Variants in DOCK5 observed in about 807,000 individuals in gnomAD.
DOCK5 encodes dedicator of cytokinesis 5.
DOCK5 carries 142 observed loss-of-function variants against 251.8 expected under a neutral mutation model. The ratio of observed to expected loss-of-function variants is 0.56; its 90% CI spans 0.49 to 0.65. The LOEUF (loss-of-function observed/expected upper bound fraction) is 0.65, where lower values mean the gene tolerates loss of function less well. DOCK5 is among the 30% of genes least tolerant of loss of function. The probability of loss-of-function intolerance (pLI) is 0.00; values close to 1 mark genes in which losing one functional copy is unlikely to be tolerated. For missense variants in DOCK5, 2,111 were observed against 2,312.3 expected, an observed-to-expected ratio of 0.91 and a Z score of 1.79; for synonymous variants, 842 against 835.5, an observed-to-expected ratio of 1.01 and a Z score of -0.13.
In DOCK5 at chr8:25,408,062, A is replaced by G. The variant is rs746960094; in HGVS notation, c.5173A>G (p.Ser1725Gly). 13 of 1,609,504 alleles carry G rather than the reference A, an allele frequency of 8.1e-6. No homozygotes were observed. The African/African-American group carries it at 1.3e-4, about 17-fold the overall frequency. The change falls in exon 49 of 52, where the codon AGC becomes GGC. Residue 1725 changes from serine (S) to glycine (G), a missense_variant. This residue lies in a region of DOCK5 where 1,717 missense variants were observed against 1,892.4 expected (regional missense o/e 0.91). Coordinates refer to ENST00000276440, the MANE Select transcript of DOCK5 (RefSeq NM_024940.8). Reference sequence around the variant, plus strand: ...AGATCTGTCCCTTAGAGAGGAGAACAGCGAGAACCGGATCAGCAAGTTTAA... The same window carrying G: ...AGATCTGTCCCTTAGAGAGGAGAACGGCGAGAACCGGATCAGCAAGTTTAA... ...VEDLSLREEN[S>G]ENRISKFKRK... is the part of the protein sequence containing the mutation.
intron 27 of DOCK5, among the ~76,000 whole-genome samples, chr8:25,356,499 TA>T (rs1039394646): frequency 2.0e-5 from 3 of 151,466 alleles, no homozygotes; most frequent in South Asian, 4.2e-4. Flanking sequence ...GACCCTGTCT[TA>T]AAAAAAATAC....
At chr8:25,289,337 A>G (rs954278778) in intron 5 of DOCK5, among the ~76,000 whole-genome samples, 2 of 151,626 alleles carry the variant, frequency 1.3e-5, no homozygotes, top group Non-Finnish European at 2.9e-5. Flanking sequence ...TATTTTACAG[A>G]AACAAGGTCT....
intron 1 of DOCK5, among the ~76,000 whole-genome samples, chr8:25,241,180 C>T (rs1420663414): frequency 2.0e-5 from 3 of 152,080 alleles, no homozygotes; most frequent in Admixed American, 6.6e-5. Context: ...GAATGGCGAT[C>T]GTTAAAAGTC....
chr8:25,377,214 C>T, intron 37 of DOCK5, 91 bp from the exon 38 acceptor site: 1 of 1,427,888 alleles, frequency 7.0e-7, no homozygotes, highest in Non-Finnish European at 9.2e-7. Flanking sequence ...AATACAAAAT[C>T]AATGAGTCAA....
Position 25,364,670 on chromosome 8 carries a change from G to A in DOCK5, c.3089G>A (p.Arg1030Lys). The change falls in exon 30 of 52, where the codon AGA becomes AAA. Residue 1030 changes from arginine (R) to lysine (K), a missense_variant. By Grantham distance (26) the Arg-to-Lys change is conservative. This residue lies in a region of DOCK5 where 1,717 missense variants were observed against 1,892.4 expected (regional missense o/e 0.91). Transcript: ENST00000276440. ...AINQFAEVLT[R>K]FFMDQASFEL... ...AATCAGTTTGCTGAAGTTCTCACAA[G>A]ATTCTTCATGGATCAGGCAAGCTTT... 1 of 1,599,928 alleles carries A rather than the reference G, an allele frequency of 6.3e-7. No individual in the cohort carries two copies. Among genetic ancestry groups the A allele is most frequent in the Non-Finnish European group, 8.5e-7 (1 of 1,171,720 alleles).
intron 34 of DOCK5, 117 bp from the exon 35 acceptor site, chr8:25,372,442 C>T: frequency 2.0e-6 from 2 of 1,014,780 alleles, no homozygotes; most frequent in East Asian, 2.9e-5. Flanking sequence ...CTAACATTGA[C>T]GTTCTGTGTC....
Position 25,384,455 on chromosome 8 carries a change from A to ATT in DOCK5, c.4131+1679_4131+1680dup, listed in dbSNP as rs1294643896. Among the ~76,000 whole-genome samples, 110 of 45,164 alleles carry ATT rather than the reference A, an allele frequency of 2.4e-3. 2 individuals are homozygous for ATT. The highest frequency in any genetic ancestry group is 6.8e-3 in the East Asian group (10 of 1,466). 29.6% of individuals were successfully genotyped at this position (45,164 alleles called of 152,430 possible). Reference sequence around the variant, plus strand: ...ATTTTATTTATTTATTTATTTATTTATTTATTTATTTTTTTTTTTTTTGAG... The same window carrying ATT: ...ATTTTATTTATTTATTTATTTATTTATTTTTATTTATTTTTTTTTTTTTTGAG... On this transcript the variant is annotated intron_variant, in intron 40 of 51. Transcript: ENST00000276440.
intron 33 of DOCK5, 82 bp from the exon 34 acceptor site, chr8:25,369,473 TG>T: frequency 8.4e-7 from 1 of 1,196,068 alleles, no homozygotes; most frequent in Non-Finnish European, 1.2e-6. Context: ...ACTCAGCGAA[TG>T]GGTTGGCCAA....
chr8:25,360,861 T>A (rs142519992), intron 28 of DOCK5, among the ~76,000 whole-genome samples: 3 of 152,134 alleles, frequency 2.0e-5, no homozygotes, highest in African/African-American at 7.2e-5. Flanking sequence ...TTGGCTCCAT[T>A]GTTAAGTAAG....
chr8:25,314,014 C>T (rs896894566), intron 13 of DOCK5, among the ~76,000 whole-genome samples: 2 of 152,014 alleles, frequency 1.3e-5, no homozygotes, highest in Non-Finnish European at 2.9e-5. Context: ...CTTTCATCTG[C>T]CTGTCACCTT....
rs1801597937 is a variant in DOCK5 at position 25,410,212 on chromosome 8, T to C, written c.5508+10T>C. Reference sequence around the variant, plus strand: ...GAGGAACTCCACTGAGGTAGGGAAATCACAGCTGGCAACTGTGGCCAGGGA... The same window carrying C: ...GAGGAACTCCACTGAGGTAGGGAAACCACAGCTGGCAACTGTGGCCAGGGA... On this transcript the variant is annotated intron_variant, in intron 51 of 51. Coordinates refer to ENST00000276440, the MANE Select transcript of DOCK5 (RefSeq NM_024940.8). 5 of 1,611,382 alleles carry C rather than the reference T, an allele frequency of 3.1e-6. No homozygotes were observed. Among genetic ancestry groups the C allele is most frequent in the Admixed American group, 1.7e-5 (1 of 59,832 alleles).
In DOCK5 at chr8:25,356,191, T is replaced by C. The variant is rs150752559; in HGVS notation, c.2851-2772T>C. ...CTCCAGCCTGGTGACAGAGCGAGAC[T>C]CCGTCTCGAAAAAAACAAAAAATAC... On this transcript the variant is annotated intron_variant, in intron 27 of 51. Transcript: ENST00000276440. Among the ~76,000 whole-genome samples the C allele has an allele frequency of 6.6e-4, 100 of 151,986 alleles. No homozygotes were observed. In the East Asian group the frequency reaches 0.017, roughly 26 times the overall value.
chr8:25,372,496 G>A (rs1800890106), intron 34 of DOCK5, 63 bp from the exon 35 acceptor site: 1 of 1,499,324 alleles, frequency 6.7e-7, no homozygotes, highest in African/African-American at 1.4e-5. Flanking sequence ...GGTCAGTGCT[G>A]GTCAGTGCTG....
chr8:25,331,771 T>G (rs1805685112), intron 18 of DOCK5, among the ~76,000 whole-genome samples: 2 of 146,548 alleles, frequency 1.4e-5, no homozygotes, highest in Non-Finnish European at 3.0e-5. Context: ...GATGTTGAAA[T>G]AAATTAATGC....
At chr8:25,386,796 G>T (rs1801172241) in intron 40 of DOCK5, among the ~76,000 whole-genome samples, 1 of 152,144 alleles carries the variant, frequency 6.6e-6, no homozygotes, top group Non-Finnish European at 1.5e-5. Flanking sequence ...AGACTTTCAA[G>T]TCGAAAGCAT....
At chr8:25,312,847 T>A (rs1805139339) in intron 13 of DOCK5, among the ~76,000 whole-genome samples, 1 of 151,864 alleles carries the variant, frequency 6.6e-6, no homozygotes, top group Non-Finnish European at 1.5e-5. Context: ...GGAGCATCAC[T>A]TGAACCTGGA....
chr8:25,270,075 G>T (rs944549720), intron 3 of DOCK5, among the ~76,000 whole-genome samples: 1 of 152,146 alleles, frequency 6.6e-6, no homozygotes, highest in Non-Finnish European at 1.5e-5. Flanking sequence ...TACACATTTT[G>T]TTAACTTTGA....
chr8:25,228,431 A>AAGTGGCAGTGTACAGC (rs1394491746), intron 1 of DOCK5, among the ~76,000 whole-genome samples: 1 of 152,196 alleles, frequency 6.6e-6, no homozygotes, highest in East Asian at 1.9e-4. Flanking sequence ...ACTTTGATTG[A>AAGTGGCAGTGTACAGC]AGTGGCAGTG....
chr8:25,195,251 C>CTTTTTTTTTTTT (rs59704416), intron 1 of DOCK5, among the ~76,000 whole-genome samples: 1 of 106,232 alleles, frequency 9.4e-6, no homozygotes, highest in Admixed American at 1.0e-4. Flanking sequence ...CTCCTTATCA[C>CTTTTTTTTTTTT]TTTTTTTTTT....
Sources: gnomAD v4.1 joint callset for allele counts (sites outside exome capture counted in the v4.1 genomes callset) on GRCh38, gnomAD v4.1.1 for gene constraint, gnomAD v4.1.1 regional missense constraint, MANE v1.5 for transcripts, NCBI Gene and HGNC (gene_info 2026-07-23, HGNC 2026-07-21) for gene names.